CDK8: variants seen among roughly 807,000 people sequenced by gnomAD.
CDK8 encodes the protein cyclin-dependent kinase 8.
Under a neutral mutation model 71.5 loss-of-function variants are expected in CDK8, and 29 were observed. The ratio of observed to expected loss-of-function variants is 0.41; its 90% confidence interval spans 0.30 to 0.55. CDK8 has a LOEUF of 0.55. CDK8 is among the 20% of genes least tolerant of loss of function. The pLI is 0.37. For missense variants in CDK8, 288 were observed against 572.6 expected (o/e 0.50, Z 5.07); for synonymous variants, 161 against 192.1 (o/e 0.84, Z 1.34).
At chr13:26,378,887 G>A (rs976382866) in intron 4 of CDK8, among the ~76,000 whole-genome samples, 1 of 152,146 alleles carries the variant, frequency 6.6e-6, no homozygotes, top group African/African-American at 2.4e-5. Flanking sequence ...TTTTTTGGGC[G>A]AGTAGAATAT....
intron 4 of CDK8, 49 bp downstream of exon 4, chr13:26,353,929 G>A (rs745497277): frequency 1.1e-5 from 17 of 1,544,678 alleles, no homozygotes; most frequent in Non-Finnish European, 1.5e-5. Context: ...ATTACAGTTG[G>A]ATACTTTTCT....
chr13:26,373,562 A>G (rs1874791277), intron 4 of CDK8, among the ~76,000 whole-genome samples: 1 of 152,186 alleles, frequency 6.6e-6, no homozygotes, highest in Non-Finnish European at 1.5e-5. Context: ...AAATTATAAA[A>G]TATTTACATG....
At position 26,403,957 on chromosome 13, in the gene CDK8, G is replaced by A. The variant is rs1160704856; in HGVS notation, c.1271G>A (p.Arg424His). ...GGLIMTSDYQ[R>H]SNPHAAYPNP... ...ACTTTTCCCTCATCTCCTTTCCAGC[G>A]TTCCAATCCACATGCTGCCTATCCC... The change falls in exon 13 of 13, where the codon CGT becomes CAT. Residue 424 changes from arginine to histidine, a missense_variant and splice_region_variant. Around this residue, in one of 6 missense-constraint regions of CDK8, gnomAD observed 76 missense variants for 99.7 expected, o/e 0.76. Transcript: ENST00000381527. 3.7e-6 allele frequency: 6 copies of A among 1,611,696 alleles called. No homozygotes were observed. Among genetic ancestry groups the A allele is most frequent in the Admixed American group, 1.7e-5 (1 of 60,010 alleles).
At chr13:26,348,525 C>G (rs372536496) in intron 2 of CDK8, among the ~76,000 whole-genome samples, 1 of 152,116 alleles carries the variant, frequency 6.6e-6, no homozygotes, top group South Asian at 2.1e-4. Context: ...TGAGGTGAAA[C>G]GGTTTCATCT....
chr13:26,396,898 A>G (rs1293415147), intron 8 of CDK8, among the ~76,000 whole-genome samples: 1 of 151,108 alleles, frequency 6.6e-6, no homozygotes, highest in African/African-American at 2.4e-5. Flanking sequence ...AATTCATGTG[A>G]AAAAAAAAGC....
rs111766191 is a variant in CDK8 at position 26,368,601 on chromosome 13, C to T, written c.457-14213C>T. Among the ~76,000 whole-genome samples the T allele has an allele frequency of 3.9e-3, 589 of 152,294 alleles. 2 individuals carry two copies. The highest frequency in any genetic ancestry group is 6.4e-3 in the Non-Finnish European group (433 of 68,016). ...AGTAAAAATTGGAATCCATGAAATG[C>T]ATTTTCTTCTTGTCATATAGTAATG... On this transcript the variant is annotated intron_variant, in intron 4 of 12. Coordinates refer to ENST00000381527, the MANE Select transcript of CDK8 (RefSeq NM_001260.3).
intron 2 of CDK8, among the ~76,000 whole-genome samples, chr13:26,343,240 G>T (rs1873317009): frequency 6.6e-6 from 1 of 152,030 alleles, no homozygotes; most frequent in Admixed American, 6.6e-5. Flanking sequence ...AACACACCAG[G>T]CTGTTTGTAG....
intron 6 of CDK8, among the ~76,000 whole-genome samples, chr13:26,392,507 T>C (rs1875798821): frequency 6.6e-6 from 1 of 151,982 alleles, no homozygotes; most frequent in Non-Finnish European, 1.5e-5. Context: ...TTTGTATTTT[T>C]AGTAGAGACA....
At position 26,254,484 on chromosome 13, in the gene CDK8, G is replaced by C; in HGVS notation, c.-158G>C. The stretch of plus-strand genomic sequence containing the variant: ...TGGATGTCCCTGGCGCTTTCGCGGG[G>C]CCTCCTCCTGCTCTTGCCGCATCAG... On this transcript the variant is annotated 5_prime_UTR_variant, in exon 1 of 13. Coordinates refer to ENST00000381527, the MANE Select transcript of CDK8 (RefSeq NM_001260.3). This position sits in a 1 kb window ranked among gnomAD's most constrained non-coding sequence, Gnocchi z 6.7. The C allele has an allele frequency of 3.5e-6, 2 of 565,636 alleles. No individual in the cohort carries two copies. The highest frequency in any genetic ancestry group is 3.0e-6 in the Non-Finnish European group (1 of 331,910). 35.0% of individuals were successfully genotyped at this position (565,636 alleles called of 1,614,324 possible).
Position 26,386,442 on chromosome 13 carries a change from A to T in CDK8, c.646+1100A>T, listed in dbSNP as rs937411424. 7.4e-4 allele frequency among the ~76,000 whole-genome samples: 113 copies of T among 152,120 alleles called. 2 individuals carry two copies. The highest frequency in any genetic ancestry group is 2.6e-3 in the African/African-American group (107 of 41,500). On this transcript the variant is annotated intron_variant, in intron 6 of 12. Coordinates refer to ENST00000381527, the MANE Select transcript of CDK8 (RefSeq NM_001260.3). ...CTTGTTCTGTATCCTCCAGGATGGT[A>T]TTAAACCCACTTTTCCTTTACTGGG... is the stretch of plus-strand genomic sequence containing the variant.
At chr13:26,371,490 C>T (rs1031553206) in intron 4 of CDK8, among the ~76,000 whole-genome samples, 1 of 152,132 alleles carries the variant, frequency 6.6e-6, no homozygotes, top group African/African-American at 2.4e-5. Context: ...GTCATACTAT[C>T]AGATATAGTT....
At chr13:26,376,794 GA>G (rs902869859) in intron 4 of CDK8, among the ~76,000 whole-genome samples, 7 of 151,208 alleles carry the variant, frequency 4.6e-5, no homozygotes, top group African/African-American at 1.7e-4. Context: ...AGTATCTGCA[GA>G]AAAAAAAGAA....
At position 26,337,630 on chromosome 13, in the gene CDK8, T is replaced by C. The variant is rs2137973608; in HGVS notation, c.192T>C (p.Cys64=). 1 of 1,436,138 alleles carries C rather than the reference T, an allele frequency of 7.0e-7. No individual in the cohort carries two copies. The highest frequency in any genetic ancestry group is 1.7e-5 in the South Asian group (1 of 57,520). 89.0% of individuals were successfully genotyped at this position (1,436,138 alleles called of 1,614,324 possible). The change falls in exon 2 of 13, where the codon TGT becomes TGC. Residue 64 remains cysteine (C), a synonymous_variant. Coordinates refer to ENST00000381527, the MANE Select transcript of CDK8 (RefSeq NM_001260.3). ...GAACTGGGATCTCTATGTCGGCATG[T>C]AGAGAAATAGCAGTAAGTGAAGTTC... ...IEGTGISMSA[C]REIALLRELK... is the part of the protein sequence containing the mutation.
chr13:26,324,063 C>T (rs754064517), intron 1 of CDK8, among the ~76,000 whole-genome samples: 1 of 152,090 alleles, frequency 6.6e-6, no homozygotes, highest in Non-Finnish European at 1.5e-5. Flanking sequence ...AAATGAGAAC[C>T]ATTAAGTAAT....
rs147290719 is a variant in CDK8, at chr13:26,374,043, A to AAT, written c.457-8770_457-8769insTA. ...AAAAAAAAAAAAAAAAAAAACAAAA[A>AAT]ACAAAAAATTAGCTGGGCGTGGTGG... On this transcript the variant is annotated intron_variant, in intron 4 of 12. Transcript: ENST00000381527. 4.3e-3 allele frequency among the ~76,000 whole-genome samples: 479 copies of AAT among 111,848 alleles called. 28 individuals are homozygous for AAT. The highest frequency in any genetic ancestry group is 8.0e-3 in the African/African-American group (235 of 29,202). 73.4% of individuals were successfully genotyped at this position (111,848 alleles called of 152,430 possible).
At chr13:26,330,669 G>A (rs1875273871) in intron 1 of CDK8, among the ~76,000 whole-genome samples, 3 of 151,532 alleles carry the variant, frequency 2.0e-5, no homozygotes, top group South Asian at 2.1e-4. Context: ...AAGTGAGAAC[G>A]TGCAATATTT....
intron 4 of CDK8, among the ~76,000 whole-genome samples, chr13:26,364,217 A>G (rs2138016711): frequency 6.6e-6 from 1 of 152,316 alleles, no homozygotes; most frequent in African/African-American, 2.4e-5. Flanking sequence ...GAATCAGGAA[A>G]ACACACGACA....
intron 1 of CDK8, among the ~76,000 whole-genome samples, chr13:26,294,786 C>T (rs577949054): frequency 2.0e-5 from 3 of 151,926 alleles, no homozygotes; most frequent in African/African-American, 4.8e-5. Context: ...AGTCTTGCTC[C>T]GTCGCCAGGC....
Position 26,254,402 on chromosome 13 carries a change from G to A in CDK8, c.-240G>A, listed in dbSNP as rs1871418281. The A allele has an allele frequency of 2.7e-6, 1 of 367,950 alleles. No homozygotes were observed. 22.8% of individuals were successfully genotyped at this position (367,950 alleles called of 1,614,324 possible). A position where few individuals can be genotyped will look rare whatever the true frequency, so the allele number is the denominator to read the frequency against. On this transcript the variant is annotated 5_prime_UTR_variant, in exon 1 of 13. Coordinates refer to ENST00000381527, the MANE Select transcript of CDK8 (RefSeq NM_001260.3). The surrounding 1 kb of genome is among the most constrained non-coding windows in gnomAD (Gnocchi z 6.7). ...AGCCCTCGTCCCTCGGCTCTCCTTCGCCGGGGGATCCTCCCCGTTCCTCCA... is the reference window on the plus strand; with the variant it reads ...AGCCCTCGTCCCTCGGCTCTCCTTCACCGGGGGATCCTCCCCGTTCCTCCA...
Sources: gnomAD v4.1 joint callset for allele counts (sites outside exome capture counted in the v4.1 genomes callset) on GRCh38, gnomAD v4.1.1 for gene constraint, gnomAD v4.1.1 regional missense constraint, Gnocchi (gnomAD v3.1) non-coding constraint, MANE v1.5 for transcripts, NCBI Gene and HGNC (gene_info 2026-07-23, HGNC 2026-07-21) for gene names.